TENM1: variants seen among roughly 807,000 people sequenced by gnomAD.
TENM1 encodes the protein teneurin transmembrane protein 1.
Under a neutral mutation model 174.8 loss-of-function variants are expected in TENM1, and 35 were observed. That is an observed-to-expected ratio of 0.20 (90% CI 0.15 to 0.27). The LOEUF (loss-of-function observed/expected upper bound fraction) is 0.27, where lower values mean the gene tolerates loss of function less well. Ranked by LOEUF, TENM1 falls within the 10% of genes least tolerant of loss-of-function variation. TENM1 has a pLI of 1.00. For missense variants in TENM1, 1,633 were observed against 2,130.1 expected (o/e 0.77, Z 4.59); for synonymous variants, 781 against 798.7 (o/e 0.98, Z 0.37).
intron 20 of TENM1, among the ~76,000 whole-genome samples, chrX:124,488,424 CTT>C (rs1431577489): frequency 8.9e-6 from 1 of 111,838 alleles, no homozygotes; most frequent in Admixed American, 9.5e-5. Context: ...AGATTCAACT[CTT>C]TTTAAAAAGA....
intron 15 of TENM1, among the ~76,000 whole-genome samples, chrX:124,536,938 C>T (rs751479386): frequency 3.8e-4 from 42 of 111,408 alleles, no homozygotes; most frequent in South Asian, 7.6e-4. Context: ...ATCTGCCTTT[C>T]GACTAATGGA....
At chrX:125,072,040 T>G in the TENM1 span, among the ~76,000 whole-genome samples, 1 of 111,346 alleles carries the variant, frequency 9.0e-6, no homozygotes, top group African/African-American at 3.3e-5. Flanking sequence ...AATGACTTAT[T>G]TAAGGTCATA....
intron 25 of TENM1, among the ~76,000 whole-genome samples, chrX:124,408,118 C>T (rs1233974558): frequency 9.0e-6 from 1 of 110,700 alleles, no homozygotes; most frequent in African/African-American, 3.3e-5. Flanking sequence ...GGGAGAAAAA[C>T]AATAATATCC....
chrX:125,050,223 C>T, the TENM1 span, among the ~76,000 whole-genome samples: 1 of 109,306 alleles, frequency 9.1e-6, no homozygotes, highest in African/African-American at 3.3e-5. Flanking sequence ...AGGTTAGTTA[C>T]ATATGTATAC....
At chrX:124,802,078 T>A (rs992807855) in intron 3 of TENM1, among the ~76,000 whole-genome samples, 6 of 111,568 alleles carry the variant, frequency 5.4e-5, no homozygotes, top group Non-Finnish European at 1.1e-4. Context: ...CAGTGGAGTT[T>A]GTTATTACTG....
the TENM1 span, among the ~76,000 whole-genome samples, chrX:125,029,480 G>A: frequency 1.8e-5 from 2 of 111,307 alleles, no homozygotes; most frequent in African/African-American, 3.3e-5. Context: ...GCGGGAAACC[G>A]AGACTCAAAG....
intron 18 of TENM1, among the ~76,000 whole-genome samples, chrX:124,514,325 C>T (rs945724744): frequency 5.7e-5 from 6 of 105,132 alleles, no homozygotes; most frequent in Non-Finnish European, 1.2e-4. Flanking sequence ...ACAAAAACAA[C>T]CCCCATCGAA....
At chrX:124,967,601 C>T (rs2058742631), upstream of TENM1, among the ~76,000 whole-genome samples, 1 of 111,475 alleles carries the variant, frequency 9.0e-6, no homozygotes, top group African/African-American at 3.3e-5. Context: ...TTCCTCCCTC[C>T]CAAAATGTGT....
the TENM1 span, among the ~76,000 whole-genome samples, chrX:125,028,961 T>C: frequency 1.8e-5 from 2 of 112,052 alleles, no homozygotes; most frequent in African/African-American, 6.5e-5. Flanking sequence ...GAGAATTTGC[T>C]ATGTGAAATC....
chrX:124,850,861 C>T (rs998665346), intron 3 of TENM1, among the ~76,000 whole-genome samples: 2 of 110,873 alleles, frequency 1.8e-5, no homozygotes, highest in African/African-American at 3.3e-5. Flanking sequence ...GCATTTTGAC[C>T]GATTTTATAG....
the TENM1 span, among the ~76,000 whole-genome samples, chrX:124,979,293 T>C: frequency 8.9e-6 from 1 of 112,058 alleles, no homozygotes; most frequent in Non-Finnish European, 1.9e-5. Flanking sequence ...AGTGTCGTTT[T>C]TGTCAATTCG....
intron 15 of TENM1, among the ~76,000 whole-genome samples, chrX:124,533,578 G>A (rs1016361726): frequency 9.0e-6 from 1 of 111,463 alleles, no homozygotes; most frequent in African/African-American, 3.3e-5. Flanking sequence ...GGTCTGCCTC[G>A]AGGAAGCATC....
chrX:125,196,523 A>G, the TENM1 span, among the ~76,000 whole-genome samples: 1 of 111,837 alleles, frequency 8.9e-6, no homozygotes, highest in East Asian at 2.8e-4. Flanking sequence ...TTAAAAAAAG[A>G]AAATCATTAA....
At chrX:124,501,875 T>G (rs2147993371) in intron 19 of TENM1, among the ~76,000 whole-genome samples, 1 of 111,931 alleles carries the variant, frequency 8.9e-6, no homozygotes, top group East Asian at 2.8e-4. Context: ...CAGAGCTGGC[T>G]TCAGATCTGT....
chrX:124,915,240 C>A (rs1433362900), intron 1 of TENM1, among the ~76,000 whole-genome samples: 1 of 112,221 alleles, frequency 8.9e-6, no homozygotes, highest in Non-Finnish European at 1.9e-5. Context: ...AATGTAAATT[C>A]TCGGCTGGAT....
At chrX:124,585,025 G>T (rs2049456273) in intron 11 of TENM1, among the ~76,000 whole-genome samples, 1 of 109,936 alleles carries the variant, frequency 9.1e-6, no homozygotes, top group Non-Finnish European at 1.9e-5. Flanking sequence ...GGAGCACCCA[G>T]ATTCATAAAG....
intron 23 of TENM1, among the ~76,000 whole-genome samples, chrX:124,442,576 T>A (rs1266564556): frequency 8.9e-6 from 1 of 111,975 alleles, no homozygotes; most frequent in African/African-American, 3.3e-5. Context: ...TCTGTAGACA[T>A]GAAAGGGTTG....
intron 11 of TENM1, among the ~76,000 whole-genome samples, chrX:124,590,559 G>T (rs1027904085): frequency 1.8e-5 from 2 of 111,578 alleles, no homozygotes; most frequent in Non-Finnish European, 3.8e-5. Flanking sequence ...TACTGCCCAA[G>T]GTAATTTGAT....
chrX:124,455,773 G>T (rs764257816), intron 22 of TENM1, among the ~76,000 whole-genome samples: 2 of 111,386 alleles, frequency 1.8e-5, no homozygotes, highest in African/African-American at 6.5e-5. Flanking sequence ...AGTAAATTAA[G>T]GATATTAAAA....
Sources: gnomAD v4.1 joint callset for allele counts (sites outside exome capture counted in the v4.1 genomes callset) on GRCh38, gnomAD v4.1.1 for gene constraint, MANE v1.5 for transcripts, NCBI Gene and HGNC (gene_info 2026-07-23, HGNC 2026-07-21) for gene names.